PRKCA: variants seen among roughly 807,000 people sequenced by gnomAD.
The protein encoded by PRKCA is protein kinase C alpha.
In PRKCA, 27 loss-of-function variants were observed where a neutral mutation model predicts 87.0. The observed-to-expected ratio is 0.31, with a 90% CI of 0.23 to 0.43. The LOEUF (loss-of-function observed/expected upper bound fraction) is 0.43, where lower values mean the gene tolerates loss of function less well. Ranked by LOEUF, PRKCA falls within the 20% of genes least tolerant of loss-of-function variation. PRKCA has a pLI of 1.00. For synonymous variants in PRKCA, 329 were observed against 311.1 expected (o/e 1.06, Z -0.61); for missense variants, 518 against 852.3 (o/e 0.61, Z 4.88).
At chr17:66,706,744 T>C (rs1264016853) in intron 8 of PRKCA, among the ~76,000 whole-genome samples, 1 of 152,058 alleles carries the variant, frequency 6.6e-6, no homozygotes, top group Admixed American at 6.5e-5. Flanking sequence ...TGCCTATAAA[T>C]AGATTTTTAT....
At chr17:66,584,559 A>G (rs1204426159) in intron 3 of PRKCA, among the ~76,000 whole-genome samples, 1 of 152,088 alleles carries the variant, frequency 6.6e-6, no homozygotes, top group Admixed American at 6.5e-5. Context: ...GAAATTTATT[A>G]TATTACAGTT....
At chr17:66,638,678 C>T (rs1368682264) in intron 3 of PRKCA, among the ~76,000 whole-genome samples, 2 of 152,128 alleles carry the variant, frequency 1.3e-5, no homozygotes, top group Admixed American at 1.3e-4. Flanking sequence ...GAAACCCCGT[C>T]TCCACTAAAA....
intron 2 of PRKCA, among the ~76,000 whole-genome samples, chr17:66,487,535 G>A (rs762538045): frequency 3.9e-5 from 6 of 152,228 alleles, no homozygotes; most frequent in Admixed American, 1.3e-4. Flanking sequence ...TGATGTATAC[G>A]CAGCAGTGGG....
At chr17:66,317,656 G>A (rs953884436) in intron 2 of PRKCA, among the ~76,000 whole-genome samples, 60 of 151,440 alleles carry the variant, frequency 4.0e-4, no homozygotes, top group African/African-American at 1.4e-3. Flanking sequence ...TTTCTAATAA[G>A]GAATGATTTG....
chr17:66,398,871 G>A (rs567505876), intron 2 of PRKCA, among the ~76,000 whole-genome samples: 2 of 152,268 alleles, frequency 1.3e-5, no homozygotes, highest in South Asian at 4.1e-4. Context: ...AGTGCACTGG[G>A]CAGACAGAGT....
At chr17:66,585,509 C>T (rs1969566119) in intron 3 of PRKCA, among the ~76,000 whole-genome samples, 2 of 152,222 alleles carry the variant, frequency 1.3e-5, no homozygotes. Flanking sequence ...TTTCTAGTTC[C>T]TGTAGCACAA....
chr17:66,340,380 CT>C (rs764343807), intron 2 of PRKCA, among the ~76,000 whole-genome samples: 81 of 127,818 alleles, frequency 6.3e-4, no homozygotes, highest in Middle Eastern at 3.8e-3. Context: ...TTTTTTTTTT[CT>C]TTTTTTTTTT....
intron 2 of PRKCA, among the ~76,000 whole-genome samples, chr17:66,414,801 G>A (rs1912039057): frequency 6.6e-6 from 1 of 152,162 alleles, no homozygotes; most frequent in Admixed American, 6.6e-5. Flanking sequence ...TTGATATCTT[G>A]TGGTCTTCCT....
chr17:66,765,447 T>C (rs55781539), intron 13 of PRKCA, among the ~76,000 whole-genome samples: 1 of 139,648 alleles, frequency 7.2e-6, no homozygotes, highest in African/African-American at 2.7e-5. Context: ...TATATATATA[T>C]ATATATATCC....
At chr17:66,765,559 T>TAC (rs1023838963) in intron 13 of PRKCA, among the ~76,000 whole-genome samples, 1 of 145,492 alleles carries the variant, frequency 6.9e-6, no homozygotes, top group Non-Finnish European at 1.5e-5. Flanking sequence ...TATGTCTTTA[T>TAC]ATATATATAT....
chr17:66,460,497 G>A (rs1034909298), intron 2 of PRKCA, among the ~76,000 whole-genome samples: 6 of 152,118 alleles, frequency 3.9e-5, no homozygotes, highest in African/African-American at 1.2e-4. Context: ...TACTTTTTTG[G>A]TGTTTTGTGC....
At chr17:66,356,291 A>T (rs1171906077) in intron 2 of PRKCA, among the ~76,000 whole-genome samples, 2 of 151,618 alleles carry the variant, frequency 1.3e-5, no homozygotes, top group Non-Finnish European at 2.9e-5. Flanking sequence ...CATTTTCTTG[A>T]TTTTCTTTAT....
intron 2 of PRKCA, among the ~76,000 whole-genome samples, chr17:66,399,101 T>TTTTC (rs776482191): frequency 9.1e-4 from 58 of 63,876 alleles, no homozygotes; most frequent in Middle Eastern, 6.9e-3. Context: ...TTTTCTTTTC[T>TTTTC]TTTTTTTTTT....
At chr17:66,618,622 G>T (rs938395234) in intron 3 of PRKCA, among the ~76,000 whole-genome samples, 2 of 152,176 alleles carry the variant, frequency 1.3e-5, no homozygotes, top group Non-Finnish European at 2.9e-5. Context: ...GGCTCCCAAA[G>T]ATAAGTCGTA....
At chr17:66,583,184 G>T (rs1274263631) in intron 3 of PRKCA, among the ~76,000 whole-genome samples, 1 of 152,202 alleles carries the variant, frequency 6.6e-6, no homozygotes, top group Non-Finnish European at 1.5e-5. Flanking sequence ...GCTTGCTAGA[G>T]ATAGTTGAGG....
At chr17:66,722,339 C>T (rs1011744468) in intron 8 of PRKCA, among the ~76,000 whole-genome samples, 5 of 152,152 alleles carry the variant, frequency 3.3e-5, no homozygotes, top group Non-Finnish European at 7.4e-5. Context: ...CATCCAGCCC[C>T]TCATAGATAT....
intron 3 of PRKCA, among the ~76,000 whole-genome samples, chr17:66,534,652 G>C (rs1967704015): frequency 6.6e-6 from 1 of 152,156 alleles, no homozygotes; most frequent in Non-Finnish European, 1.5e-5. Flanking sequence ...GGGTGACAGA[G>C]CAAGACTCTG....
At chr17:66,318,545 G>C (rs1905453532) in intron 2 of PRKCA, among the ~76,000 whole-genome samples, 1 of 152,132 alleles carries the variant, frequency 6.6e-6, no homozygotes, top group Admixed American at 6.5e-5. Context: ...AGCGGGAATA[G>C]TTGGTATGCT....
At chr17:66,455,878 A>G (rs1007687644) in intron 2 of PRKCA, among the ~76,000 whole-genome samples, 1 of 152,116 alleles carries the variant, frequency 6.6e-6, no homozygotes, top group Non-Finnish European at 1.5e-5. Flanking sequence ...GGGCTGAACA[A>G]TGTTCCCTCA....
Sources: allele counts gnomAD v4.1 joint callset (sites outside exome capture counted in the v4.1 genomes callset), GRCh38; gene constraint gnomAD v4.1.1; transcripts MANE v1.5; gene names NCBI Gene and HGNC (gene_info 2026-07-23, HGNC 2026-07-21).